Variants in ZNF804B observed in about 807,000 individuals in gnomAD.
ZNF804B encodes zinc finger 804B.
In ZNF804B, 80 loss-of-function variants were observed where a neutral mutation model predicts 101.4. The ratio of observed to expected loss-of-function variants is 0.79; its 90% CI spans 0.66 to 0.95. The LOEUF is 0.95. Among genes scored for constraint, ZNF804B ranks in the 40% least tolerant of loss-of-function variants. The probability of loss-of-function intolerance (pLI) is 0.00; values close to 1 mark genes in which losing one functional copy is unlikely to be tolerated. For synonymous variants in ZNF804B, 622 were observed against 558.8 expected (o/e 1.11, Z -1.59); for missense variants, 1,673 against 1,561.9 (o/e 1.07, Z -1.20).
chr7:89,068,570 T>C (rs1338738515), intron 1 of ZNF804B, among the ~76,000 whole-genome samples: 15 of 152,164 alleles, frequency 9.9e-5, no homozygotes. Flanking sequence ...TGCAAGGCAT[T>C]GGCTGCATTC....
At chr7:88,791,356 C>T (rs1449674217) in intron 1 of ZNF804B, among the ~76,000 whole-genome samples, 8 of 152,030 alleles carry the variant, frequency 5.3e-5, no homozygotes, top group Admixed American at 4.6e-4. Context: ...GAACAAATAA[C>T]TATATAAATG....
In ZNF804B at chr7:88,769,409, T is replaced by C. The variant is rs78308327; in HGVS notation, c.108+9325T>C. ...GTCAATTGCTTTAGGTATAATTTAG[T>C]GTCACTTATCAATCCAAATTGCAGA... On this transcript the variant is annotated intron_variant, in intron 1 of 3. Transcript: ENST00000333190. Among the ~76,000 whole-genome samples the C allele has an allele frequency of 0.012, 1,826 of 152,292 alleles. 105 individuals carry two copies. The East Asian group carries it at 0.16, about 13-fold the overall frequency.
chr7:88,792,696 T>A (rs1273748626), intron 1 of ZNF804B, among the ~76,000 whole-genome samples: 2 of 152,132 alleles, frequency 1.3e-5, no homozygotes, highest in Non-Finnish European at 2.9e-5. Flanking sequence ...TATTAGGTGT[T>A]TTTTTCTAAA....
At chr7:88,851,238 G>A (rs1192922945) in intron 1 of ZNF804B, among the ~76,000 whole-genome samples, 1 of 151,906 alleles carries the variant, frequency 6.6e-6, no homozygotes, top group Non-Finnish European at 1.5e-5. Context: ...AATAATAGCT[G>A]AATATTTTCT....
At chr7:89,064,577 T>C (rs569078716) in intron 1 of ZNF804B, among the ~76,000 whole-genome samples, 26 of 152,288 alleles carry the variant, frequency 1.7e-4, no homozygotes, top group African/African-American at 6.3e-4. Flanking sequence ...TATGAAAGTC[T>C]GGTCATACAA....
intron 1 of ZNF804B, among the ~76,000 whole-genome samples, chr7:89,212,086 A>G (rs539753597): frequency 6.6e-6 from 1 of 152,010 alleles, no homozygotes; most frequent in South Asian, 2.1e-4. Flanking sequence ...ATTCCTAGGT[A>G]TTTTATTCTC....
intron 1 of ZNF804B, among the ~76,000 whole-genome samples, chr7:89,113,903 C>A (rs1326234523): frequency 6.6e-6 from 1 of 151,384 alleles, no homozygotes; most frequent in Non-Finnish European, 1.5e-5. Flanking sequence ...CAGCCGAGAT[C>A]GTGCCACTGC....
chr7:88,910,479 T>A (rs1343300866), intron 1 of ZNF804B, among the ~76,000 whole-genome samples: 1 of 151,934 alleles, frequency 6.6e-6, no homozygotes, highest in Non-Finnish European at 1.5e-5. Flanking sequence ...TGTATTTATT[T>A]TAATAAATAT....
intron 1 of ZNF804B, among the ~76,000 whole-genome samples, chr7:88,889,903 T>A (rs1242802004): frequency 6.6e-6 from 1 of 152,200 alleles, no homozygotes; most frequent in Non-Finnish European, 1.5e-5. Context: ...TTTTTATAAT[T>A]TGAGGTCTGA....
At chr7:88,853,836 G>A (rs370253184) in intron 1 of ZNF804B, among the ~76,000 whole-genome samples, 1 of 152,044 alleles carries the variant, frequency 6.6e-6, no homozygotes, top group Non-Finnish European at 1.5e-5. Context: ...CTTGAAAATA[G>A]ATTATGCTTA....
chr7:89,328,963 A>G (rs985378601), intron 3 of ZNF804B, among the ~76,000 whole-genome samples: 1 of 151,698 alleles, frequency 6.6e-6, no homozygotes, highest in Non-Finnish European at 1.5e-5. Flanking sequence ...GGTGATGATG[A>G]TAATGATGCT....
At chr7:88,870,382 C>T (rs1791802534) in intron 1 of ZNF804B, among the ~76,000 whole-genome samples, 2 of 57,100 alleles carry the variant, frequency 3.5e-5, no homozygotes, top group Admixed American at 2.2e-4. Context: ...GAAACTCCGT[C>T]TCAAAAAAAA....
rs182411439 is a variant in ZNF804B, at chr7:88,776,632, A to C, written c.108+16548A>C. On this transcript the variant is annotated intron_variant, in intron 1 of 3. Transcript: ENST00000333190. ...AGTTGTTTTCATGAACTTGCTGCCAAGTGGAAGGATTTTTTCTCTCTTTTC... is the reference window on the plus strand; with the variant it reads ...AGTTGTTTTCATGAACTTGCTGCCACGTGGAAGGATTTTTTCTCTCTTTTC... Among the ~76,000 whole-genome samples the C allele has an allele frequency of 1.8e-3, 250 of 142,194 alleles. 1 individual carries two copies. Among genetic ancestry groups the C allele is most frequent in the African/African-American group, 6.4e-3 (239 of 37,290 alleles). 93.3% of individuals were successfully genotyped at this position (142,194 alleles called of 152,430 possible). A position where few individuals can be genotyped will look rare whatever the true frequency, so the allele number is the denominator to read the frequency against.
chr7:89,126,208 A>G (rs1447886637), intron 1 of ZNF804B, among the ~76,000 whole-genome samples: 1 of 152,018 alleles, frequency 6.6e-6, no homozygotes, highest in Non-Finnish European at 1.5e-5. Context: ...ATATTAGTGT[A>G]CAATATGACA....
intron 1 of ZNF804B, among the ~76,000 whole-genome samples, chr7:88,852,934 G>C (rs924087341): frequency 6.6e-6 from 1 of 151,982 alleles, no homozygotes; most frequent in East Asian, 1.9e-4. Context: ...ATAGCTTTTT[G>C]AGGACCCATG....
chr7:88,974,711 A>G (rs541739986), intron 1 of ZNF804B, among the ~76,000 whole-genome samples: 1 of 151,356 alleles, frequency 6.6e-6, no homozygotes, highest in Non-Finnish European at 1.5e-5. Context: ...AGATATTTTC[A>G]TACAGGCATA....
At chr7:89,287,934 G>GAA (rs3061224) in intron 2 of ZNF804B, among the ~76,000 whole-genome samples, 60,792 of 148,848 alleles carry the variant, frequency 0.41, 12,821 homozygotes, top group Middle Eastern at 0.53. Flanking sequence ...AGATTTTCAG[G>GAA]AAAAAAAAAA....
chr7:89,264,128 C>CTGTT (rs141092856), intron 2 of ZNF804B, among the ~76,000 whole-genome samples: 12,506 of 152,208 alleles, frequency 0.082, 655 homozygotes, highest in Middle Eastern at 0.13. Context: ...ATCCCACCTA[C>CTGTT]TGTTCAAAGT....
chr7:89,315,933 C>G (rs2115956341), intron 2 of ZNF804B, among the ~76,000 whole-genome samples: 1 of 152,188 alleles, frequency 6.6e-6, no homozygotes, highest in East Asian at 1.9e-4. Flanking sequence ...GGAGAACTGG[C>G]TAACTCATAT....
Sources: gnomAD v4.1 joint callset for allele counts (sites outside exome capture counted in the v4.1 genomes callset) on GRCh38, gnomAD v4.1.1 for gene constraint, MANE v1.5 for transcripts, NCBI Gene and HGNC (gene_info 2026-07-23, HGNC 2026-07-21) for gene names.